HS3ST2: variants seen among roughly 807,000 people sequenced by gnomAD.
HS3ST2 encodes the protein heparan sulfate glucosamine 3-O-sulfotransferase 2.
In HS3ST2, 17 loss-of-function variants were observed where a neutral mutation model predicts 26.3. The ratio of observed to expected loss-of-function variants is 0.65; its 90% confidence interval spans 0.44 to 0.97. HS3ST2 has a LOEUF of 0.97. Among genes scored for constraint, HS3ST2 ranks in the 50% least tolerant of loss-of-function variants. The probability of loss-of-function intolerance (pLI) is 0.00; values close to 1 mark genes in which losing one functional copy is unlikely to be tolerated. For missense variants in HS3ST2, 402 were observed against 501.2 expected, an observed-to-expected ratio of 0.80 and a Z score of 1.89; for synonymous variants, 237 against 219.2, an observed-to-expected ratio of 1.08 and a Z score of -0.72.
chr16:22,846,960 A>G (rs1901442341), intron 1 of HS3ST2, among the ~76,000 whole-genome samples: 1 of 152,218 alleles, frequency 6.6e-6, no homozygotes, highest in Admixed American at 6.5e-5. Context: ...TGATGAATAC[A>G]AAACAACAGG....
At position 22,814,907 on chromosome 16, in the gene HS3ST2, C is replaced by A; in HGVS notation, c.297C>A (p.Ser99=). Residue 99 remains serine, a synonymous_variant, in exon 1 of 2, where the codon TCC becomes TCA. Coordinates refer to ENST00000261374, the MANE Select transcript of HS3ST2 (RefSeq NM_006043.2). ...PAAAVPAPRL[S]GSNHSGSPKL... ...CCGCCGTGCCCGCCCCTCGCCTCTC[C>A]GGTTCCAACCACTCCGGCTCACCCA... 1 of 1,588,018 alleles carries A rather than the reference C, an allele frequency of 6.3e-7. No homozygotes were observed. Among genetic ancestry groups the A allele is most frequent in the South Asian group, 1.1e-5 (1 of 87,610 alleles).
At chr16:22,836,235 A>G (rs1901252208) in intron 1 of HS3ST2, among the ~76,000 whole-genome samples, 1 of 152,222 alleles carries the variant, frequency 6.6e-6, no homozygotes, top group African/African-American at 2.4e-5. Flanking sequence ...TTTAAAAAAT[A>G]ATTTTCAAGC....
intron 1 of HS3ST2, among the ~76,000 whole-genome samples, chr16:22,820,951 T>C (rs1258708269): frequency 6.6e-6 from 1 of 152,218 alleles, no homozygotes; most frequent in African/African-American, 2.4e-5. Context: ...GTTTCCATAC[T>C]GATTCCGGAA....
intron 1 of HS3ST2, among the ~76,000 whole-genome samples, chr16:22,913,164 G>C (rs796866232): frequency 3.6e-5 from 4 of 112,506 alleles, no homozygotes; most frequent in African/African-American, 1.6e-4. Flanking sequence ...GGGAGGGAGG[G>C]AGGGAGGGAG....
intron 1 of HS3ST2, among the ~76,000 whole-genome samples, chr16:22,881,097 C>T (rs1375974428): frequency 6.6e-6 from 1 of 152,216 alleles, no homozygotes; most frequent in Non-Finnish European, 1.5e-5. Context: ...AATTCTAGCT[C>T]TGCCAATTAC....
intron 1 of HS3ST2, among the ~76,000 whole-genome samples, chr16:22,907,499 G>C (rs1596633350): frequency 1.3e-5 from 2 of 152,164 alleles, no homozygotes; most frequent in African/African-American, 4.8e-5. Context: ...CTGTTTTCAT[G>C]GACTAAGGGA....
Position 22,814,501 on chromosome 16 carries a change from C to T in HS3ST2, c.-110C>T. 1 of 1,280,614 alleles carries T rather than the reference C, an allele frequency of 7.8e-7. No homozygotes were observed. The allele number at this position is 1,280,614 out of a possible 1,614,324, so 79.3% of individuals were successfully genotyped here. A position where few individuals can be genotyped will look rare whatever the true frequency, so the allele number is the denominator to read the frequency against. ...GACGGCGCCCCCAACGCCCGACCCG[C>T]GTGGCCGTGGCAGCGCCACGCGAGC... On this transcript the variant is annotated 5_prime_UTR_variant, in exon 1 of 2. Transcript: ENST00000261374.
chr16:22,881,397 C>T (rs1271824058), intron 1 of HS3ST2, among the ~76,000 whole-genome samples: 1 of 152,180 alleles, frequency 6.6e-6, no homozygotes, highest in East Asian at 1.9e-4. Flanking sequence ...CCTCAGGCTC[C>T]AAGGGCTCTC....
intron 1 of HS3ST2, among the ~76,000 whole-genome samples, chr16:22,828,635 A>T (rs1343904610): frequency 6.6e-6 from 1 of 152,222 alleles, no homozygotes; most frequent in Non-Finnish European, 1.5e-5. Flanking sequence ...CTCAGGCGAG[A>T]TGGCTTAAAG....
At chr16:22,861,249 ACCACAGC>A (rs778871888) in intron 1 of HS3ST2, among the ~76,000 whole-genome samples, 4 of 151,836 alleles carry the variant, frequency 2.6e-5, no homozygotes, top group Non-Finnish European at 5.9e-5. Flanking sequence ...GGCCTCTAGA[ACCACAGC>A]CCAGTCTGGG....
intron 1 of HS3ST2, among the ~76,000 whole-genome samples, chr16:22,843,183 T>C (rs1210259402): frequency 1.3e-5 from 2 of 152,002 alleles, no homozygotes; most frequent in Admixed American, 6.6e-5. Context: ...TGTGAACACA[T>C]TGCCATGTGA....
intron 1 of HS3ST2, among the ~76,000 whole-genome samples, chr16:22,887,515 T>C (rs1336356708): frequency 5.3e-5 from 8 of 152,178 alleles, no homozygotes; most frequent in African/African-American, 1.7e-4. Flanking sequence ...TCACATATCA[T>C]CACCTTAGGG....
intron 1 of HS3ST2, among the ~76,000 whole-genome samples, chr16:22,896,235 A>C (rs1215251960): frequency 6.6e-6 from 1 of 152,158 alleles, no homozygotes; most frequent in Non-Finnish European, 1.5e-5. Flanking sequence ...GAGCTTTTCC[A>C]CACCATCACT....
intron 1 of HS3ST2, among the ~76,000 whole-genome samples, chr16:22,859,507 T>A (rs1901646797): frequency 6.6e-6 from 1 of 152,198 alleles, no homozygotes; most frequent in Non-Finnish European, 1.5e-5. Context: ...TTCAGTGTTA[T>A]AGCTGTCAGA....
chr16:22,869,809 A>C (rs1456181067), intron 1 of HS3ST2, among the ~76,000 whole-genome samples: 1 of 152,148 alleles, frequency 6.6e-6, no homozygotes, highest in Admixed American at 6.5e-5. Context: ...CAAAAACCTA[A>C]GTTCTTCCAC....
At chr16:22,869,531 G>A (rs1901803017) in intron 1 of HS3ST2, among the ~76,000 whole-genome samples, 1 of 152,172 alleles carries the variant, frequency 6.6e-6, no homozygotes, top group East Asian at 1.9e-4. Flanking sequence ...CACATGGCTG[G>A]GGAGGCCTCA....
intron 1 of HS3ST2, among the ~76,000 whole-genome samples, chr16:22,820,752 G>T: frequency 6.6e-6 from 1 of 152,244 alleles, no homozygotes; most frequent in Admixed American, 6.5e-5. Context: ...CCTATCACTT[G>T]TTACAGGAGC....
At chr16:22,885,837 A>C (rs1228756342) in intron 1 of HS3ST2, among the ~76,000 whole-genome samples, 1 of 152,056 alleles carries the variant, frequency 6.6e-6, no homozygotes, top group Non-Finnish European at 1.5e-5. Context: ...GCAGACAGTT[A>C]CCCGGTCCAC....
At chr16:22,893,025 C>T (rs779957517) in intron 1 of HS3ST2, among the ~76,000 whole-genome samples, 7 of 152,178 alleles carry the variant, frequency 4.6e-5, no homozygotes, top group African/African-American at 9.7e-5. Context: ...ATTGAGTTGT[C>T]TACACATTAT....
Sources: allele counts gnomAD v4.1 joint callset (sites outside exome capture counted in the v4.1 genomes callset), GRCh38; gene constraint gnomAD v4.1.1; transcripts MANE v1.5; gene names NCBI Gene and HGNC (gene_info 2026-07-23, HGNC 2026-07-21).